Variants in CLCN3 observed in about 807,000 individuals in gnomAD.
CLCN3 encodes the protein Cl-/H+ antiporter 3, also known as H(+)/Cl(-) exchange transporter 3.
Under a neutral mutation model 83.4 loss-of-function variants are expected in CLCN3, and 16 were observed. That is an observed-to-expected ratio of 0.19 (90% CI 0.13 to 0.29). The LOEUF is 0.29. CLCN3 is among the 10% of genes least tolerant of loss of function. The pLI is 1.00. For missense variants in CLCN3, 544 were observed against 1,006.0 expected (o/e 0.54, Z 6.21); for synonymous variants, 322 against 346.2 (o/e 0.93, Z 0.78).
In CLCN3 at chr4:169,632,716, C is replaced by CAAA. The variant is rs559919032; in HGVS notation, c.-16-3173_-16-3171dup. Among the ~76,000 whole-genome samples, 151 of 32,286 alleles carry CAAA rather than the reference C, an allele frequency of 4.7e-3. 20 individuals carry two copies. Among genetic ancestry groups the CAAA allele is most frequent in the Middle Eastern group, 0.056 (2 of 36 alleles). 21.2% of individuals were successfully genotyped at this position (32,286 alleles called of 152,430 possible). A position where few individuals can be genotyped will look rare whatever the true frequency, so the allele number is the denominator to read the frequency against. On this transcript the variant is annotated intron_variant, in intron 1 of 12. Transcript: ENST00000513761. ...TGGGTGACAGAGCGAGACTCCATCT[C>CAAA]AAAAAAAAAAAAAAAAAAAAAAAAA...
At chr4:169,701,521 A>G (rs990079151) in intron 9 of CLCN3, among the ~76,000 whole-genome samples, 2 of 152,078 alleles carry the variant, frequency 1.3e-5, no homozygotes, top group East Asian at 3.9e-4. Flanking sequence ...AACATTTTCA[A>G]TTTATTTTGC....
At chr4:169,714,955 G>A (rs966982644) in intron 12 of CLCN3, among the ~76,000 whole-genome samples, 2 of 152,018 alleles carry the variant, frequency 1.3e-5, no homozygotes, top group African/African-American at 4.8e-5. Flanking sequence ...AGTTAAATGG[G>A]GCAACTTTTC....
At position 169,721,065 on chromosome 4, in the gene CLCN3, A is replaced by T. The variant is rs1042515729; in HGVS notation, c.*1068A>T. 2 of 152,386 alleles carry T rather than the reference A, an allele frequency of 1.3e-5. No individual in the cohort carries two copies. Among genetic ancestry groups the T allele is most frequent in the Non-Finnish European group, 2.9e-5 (2 of 68,036 alleles). The allele number at this position is 152,386 out of a possible 1,614,324, so 9.4% of individuals were successfully genotyped here. ...CACTGGAATTTTTAAAATTGAAATT[A>T]GATCAGTCATTCTTTTCTTTTCTCA... is the stretch of plus-strand genomic sequence containing the variant. On this transcript the variant is annotated 3_prime_UTR_variant, in exon 13 of 13. Coordinates refer to ENST00000513761, the MANE Select transcript of CLCN3 (RefSeq NM_001829.4).
intron 11 of CLCN3, among the ~76,000 whole-genome samples, chr4:169,708,996 A>G (rs550062495): frequency 2.7e-5 from 4 of 148,360 alleles, no homozygotes; most frequent in African/African-American, 7.3e-5. Flanking sequence ...TTTATATGGG[A>G]GAGATATATA....
intron 12 of CLCN3, among the ~76,000 whole-genome samples, chr4:169,714,632 T>G (rs989319744): frequency 5.3e-5 from 8 of 152,144 alleles, no homozygotes; most frequent in Non-Finnish European, 8.8e-5. Flanking sequence ...TGTGATTTCT[T>G]AAACTACTAA....
intron 10 of CLCN3, 23 bp downstream of exon 10, chr4:169,704,207 T>C (rs375160586): frequency 1.2e-4 from 188 of 1,594,150 alleles, no homozygotes; most frequent in Non-Finnish European, 1.6e-4. Flanking sequence ...TGTCTGCCTG[T>C]GTGTGGATGT....
intron 9 of CLCN3, among the ~76,000 whole-genome samples, chr4:169,702,591 TA>T (rs112991052): frequency 3.3e-5 from 5 of 150,438 alleles, no homozygotes; most frequent in East Asian, 1.9e-4. Flanking sequence ...AAGGATTACT[TA>T]AAAAAAAAGT....
intron 12 of CLCN3, among the ~76,000 whole-genome samples, chr4:169,716,586 A>ATT (rs1209497959): frequency 3.9e-5 from 6 of 152,180 alleles, no homozygotes; most frequent in Non-Finnish European, 7.4e-5. Context: ...CATTATATAT[A>ATT]GTGCATTTTC....
At chr4:169,693,518 G>A (rs1173716086) in intron 7 of CLCN3, among the ~76,000 whole-genome samples, 1 of 152,166 alleles carries the variant, frequency 6.6e-6, no homozygotes, top group Non-Finnish European at 1.5e-5. Flanking sequence ...CCTAGTAAGT[G>A]GTGGAACGTA....
chr4:169,628,292 G>A (rs7682861), intron 1 of CLCN3, among the ~76,000 whole-genome samples: 11,345 of 152,072 alleles, frequency 0.075, 479 homozygotes, highest in African/African-American at 0.12. Flanking sequence ...ACTCCTTAAA[G>A]GCAAAATTGA....
intron 2 of CLCN3, among the ~76,000 whole-genome samples, chr4:169,641,309 A>G (rs901201384): frequency 4.6e-5 from 7 of 152,174 alleles, no homozygotes; most frequent in Non-Finnish European, 8.8e-5. Flanking sequence ...TGCAAATGTG[A>G]GGTTTTCTGA....
intron 11 of CLCN3, among the ~76,000 whole-genome samples, chr4:169,712,073 G>C (rs1048429992): frequency 6.9e-6 from 1 of 144,872 alleles, no homozygotes; most frequent in Non-Finnish European, 1.5e-5. Flanking sequence ...ATGTTGCCAA[G>C]GCTGGTCTTG....
chr4:169,713,023 T>G, intron 11 of CLCN3, 56 bp from the exon 12 acceptor site: 1 of 1,253,542 alleles, frequency 8.0e-7, no homozygotes, highest in Non-Finnish European at 1.2e-6. Flanking sequence ...ATAAACAGGT[T>G]GCCTACTTAA....
chr4:169,629,015 T>C (rs1248962659), intron 1 of CLCN3, among the ~76,000 whole-genome samples: 2 of 152,206 alleles, frequency 1.3e-5, no homozygotes, highest in African/African-American at 2.4e-5. Context: ...CTCCAGAGAA[T>C]TGTGCTGAGA....
intron 12 of CLCN3, 82 bp from the exon 13 acceptor site, chr4:169,719,825 C>T (rs1247017691): frequency 8.8e-7 from 1 of 1,141,890 alleles, no homozygotes; most frequent in Non-Finnish European, 1.2e-6. Context: ...TTCCTGTCAA[C>T]AAAAAGGATT....
chr4:169,651,303 T>A, intron 2 of CLCN3, among the ~76,000 whole-genome samples: 1 of 152,182 alleles, frequency 6.6e-6, no homozygotes, highest in Non-Finnish European at 1.5e-5. Context: ...ATATTACCTA[T>A]GAACTGTCCT....
At chr4:169,621,943 G>A (rs901638878) in intron 1 of CLCN3, among the ~76,000 whole-genome samples, 1 of 152,196 alleles carries the variant, frequency 6.6e-6, no homozygotes, top group Non-Finnish European at 1.5e-5. Flanking sequence ...AAAAGGTGCT[G>A]CTGCTATTCA....
At chr4:169,647,916 A>G (rs1417277407) in intron 2 of CLCN3, among the ~76,000 whole-genome samples, 4 of 152,222 alleles carry the variant, frequency 2.6e-5, no homozygotes, top group Admixed American at 2.6e-4. Flanking sequence ...TAAATCATAG[A>G]TATCATGTAC....
chr4:169,690,031 C>T (rs1280888796), intron 5 of CLCN3, among the ~76,000 whole-genome samples: 1 of 151,822 alleles, frequency 6.6e-6, no homozygotes, highest in Non-Finnish European at 1.5e-5. Context: ...TATATGTAGG[C>T]ATTAATTTTT....
Sources: gnomAD v4.1 joint callset for allele counts (sites outside exome capture counted in the v4.1 genomes callset) on GRCh38, gnomAD v4.1.1 for gene constraint, MANE v1.5 for transcripts, NCBI Gene and HGNC (gene_info 2026-07-23, HGNC 2026-07-21) for gene names.